Variants in TENM2 observed in about 807,000 individuals in gnomAD.
TENM2 encodes the protein teneurin-2.
TENM2 carries 52 observed loss-of-function variants against 245.2 expected under a neutral mutation model. That is an observed-to-expected ratio of 0.21 (90% confidence interval 0.17 to 0.27). The LOEUF (loss-of-function observed/expected upper bound fraction) is 0.27, where lower values mean the gene tolerates loss of function less well. Among genes scored for constraint, TENM2 ranks in the 10% least tolerant of loss-of-function variants. The pLI, the probability that TENM2 is intolerant of heterozygous loss-of-function variation, is 1.00. For missense variants in TENM2, 3,046 were observed against 3,666.8 expected, an observed-to-expected ratio of 0.83 and a Z score of 4.37; for synonymous variants, 1,363 against 1,438.9, an observed-to-expected ratio of 0.95 and a Z score of 1.19.
chr5:167,358,774 C>T (rs565856941), intron 1 of TENM2, among the ~76,000 whole-genome samples: 1 of 149,948 alleles, frequency 6.7e-6, no homozygotes, highest in East Asian at 2.0e-4. Context: ...AAAGTAAACT[C>T]AACATCTCGA....
intron 2 of TENM2, among the ~76,000 whole-genome samples, chr5:167,843,356 A>G (rs1769724537): frequency 6.6e-6 from 1 of 152,198 alleles, no homozygotes; most frequent in African/African-American, 2.4e-5. Flanking sequence ...TTTTGAAAGC[A>G]CCAAACTGTG....
intron 2 of TENM2, among the ~76,000 whole-genome samples, chr5:167,859,243 C>T (rs1407701769): frequency 3.6e-4 from 30 of 83,524 alleles, no homozygotes; most frequent in African/African-American, 7.7e-4. Flanking sequence ...GCAACCACCC[C>T]GTCTGAGAAG....
chr5:167,024,275 C>T, the TENM2 span, among the ~76,000 whole-genome samples: 1 of 152,112 alleles, frequency 6.6e-6, no homozygotes, highest in African/African-American at 2.4e-5. Flanking sequence ...AAGCATTGTG[C>T]TTACAATTTG....
chr5:167,140,136 G>C, the TENM2 span, among the ~76,000 whole-genome samples: 1 of 151,904 alleles, frequency 6.6e-6, no homozygotes, highest in African/African-American at 2.4e-5. Context: ...TCTGATTACT[G>C]TTTTTTACTT....
intron 2 of TENM2, among the ~76,000 whole-genome samples, chr5:167,406,087 A>C (rs1474886223): frequency 6.6e-6 from 1 of 152,162 alleles, no homozygotes; most frequent in African/African-American, 2.4e-5. Flanking sequence ...AGAGTCAAAA[A>C]TAGTGACTAA....
At chr5:167,529,753 C>T (rs1285555175) in intron 2 of TENM2, among the ~76,000 whole-genome samples, 1 of 152,140 alleles carries the variant, frequency 6.6e-6, no homozygotes, top group East Asian at 1.9e-4. Context: ...TTAATATATT[C>T]CCTTAACTCT....
At chr5:167,891,455 C>T (rs1774750342) in intron 3 of TENM2, among the ~76,000 whole-genome samples, 1 of 152,046 alleles carries the variant, frequency 6.6e-6, no homozygotes, top group African/African-American at 2.4e-5. Flanking sequence ...TTAACAAGTA[C>T]ATACAATTAG....
At chr5:168,257,790 AT>A (rs1244779145) in intron 27 of TENM2, among the ~76,000 whole-genome samples, 1 of 151,962 alleles carries the variant, frequency 6.6e-6, no homozygotes, top group Non-Finnish European at 1.5e-5. Context: ...TAATTTTTGT[AT>A]TTTTAGTAGA....
chr5:167,505,792 A>T (rs773402317), intron 2 of TENM2, among the ~76,000 whole-genome samples: 1 of 152,188 alleles, frequency 6.6e-6, no homozygotes, highest in Non-Finnish European at 1.5e-5. Flanking sequence ...CTAGTGTGAC[A>T]TTGTATGAAG....
chr5:167,167,215 G>C, the TENM2 span, among the ~76,000 whole-genome samples: 87 of 152,048 alleles, frequency 5.7e-4, no homozygotes, highest in Non-Finnish European at 1.0e-3. Flanking sequence ...GACAAACCAG[G>C]GTGTCTTCAA....
chr5:167,156,634 C>T, the TENM2 span, among the ~76,000 whole-genome samples: 1 of 152,132 alleles, frequency 6.6e-6, no homozygotes, highest in Non-Finnish European at 1.5e-5. Flanking sequence ...CTGTGAATGG[C>T]ATTGGGATAG....
chr5:167,152,182 CT>C, the TENM2 span, among the ~76,000 whole-genome samples: 2 of 152,132 alleles, frequency 1.3e-5, no homozygotes, highest in African/African-American at 4.8e-5. Context: ...ATTGTATTTT[CT>C]TTTTCTTCAC....
intron 1 of TENM2, among the ~76,000 whole-genome samples, chr5:167,324,579 GA>G (rs1012900679): frequency 1.9e-4 from 29 of 150,770 alleles, no homozygotes; most frequent in African/African-American, 6.3e-4. Flanking sequence ...TTTATTTATG[GA>G]AAAAAAACTA....
the TENM2 span, among the ~76,000 whole-genome samples, chr5:167,134,164 A>G: frequency 6.6e-6 from 1 of 152,250 alleles, no homozygotes; most frequent in Non-Finnish European, 1.5e-5. Flanking sequence ...AACTGGGATT[A>G]TTAAAAGTCA....
intron 21 of TENM2, 52 bp from the exon 24 acceptor site, chr5:168,216,716 C>A: frequency 6.2e-7 from 1 of 1,601,496 alleles, no homozygotes; most frequent in African/African-American, 1.3e-5. Context: ...ACCTCCACCC[C>A]GCAATCCTAC....
At chr5:167,396,383 C>G (rs916541273) in intron 2 of TENM2, among the ~76,000 whole-genome samples, 8 of 151,980 alleles carry the variant, frequency 5.3e-5, no homozygotes, top group Non-Finnish European at 2.9e-5. Flanking sequence ...AGCATGCATT[C>G]AATTATATGA....
At chr5:167,313,693 G>A (rs956241514) in intron 1 of TENM2, among the ~76,000 whole-genome samples, 4 of 152,134 alleles carry the variant, frequency 2.6e-5, no homozygotes, top group Admixed American at 1.3e-4. Flanking sequence ...ATCAAAAGAG[G>A]CATAAATGAT....
At chr5:167,290,821 T>C (rs1049595249) in intron 1 of TENM2, among the ~76,000 whole-genome samples, 1 of 151,988 alleles carries the variant, frequency 6.6e-6, no homozygotes, top group African/African-American at 2.4e-5. Flanking sequence ...TGTCATAGGA[T>C]ACAAACACTT....
intron 25 of TENM2, among the ~76,000 whole-genome samples, chr5:168,238,813 T>C (rs1470277738): frequency 2.0e-5 from 3 of 152,162 alleles, no homozygotes; most frequent in African/African-American, 4.8e-5. Flanking sequence ...AAAAGCATGC[T>C]AAATAGCTGA....
Sources: gnomAD v4.1 joint callset for allele counts (sites outside exome capture counted in the v4.1 genomes callset) on GRCh38, gnomAD v4.1.1 for gene constraint, MANE v1.5 for transcripts, NCBI Gene and HGNC (gene_info 2026-07-23, HGNC 2026-07-21) for gene names.